The following TCF20 variants were observed in gnomAD, a reference collection of about 807,000 sequenced individuals.
TCF20 encodes the protein transcription factor 20.
Under a neutral mutation model 148.6 loss-of-function variants are expected in TCF20, and 3 were observed. The observed-to-expected ratio is 0.02, with a 90% CI of 0.01 to 0.05. The LOEUF is 0.05. Among genes scored for constraint, TCF20 ranks in the 10% least tolerant of loss-of-function variants. TCF20 has a pLI of 1.00. For synonymous variants in TCF20, 1,049 were observed against 909.5 expected (o/e 1.15, Z -2.76); for missense variants, 2,350 against 2,429.3 (o/e 0.97, Z 0.69).
chr22:42,169,069 A>T (rs886065393), intron 4 of TCF20, among the ~76,000 whole-genome samples: 5 of 151,438 alleles, frequency 3.3e-5, no homozygotes, highest in Non-Finnish European at 5.9e-5. Context: ...CTCTCTGGAC[A>T]ACCTCCTTCT....
chr22:42,322,553 C>G (rs933809624), intron 1 of TCF20, among the ~76,000 whole-genome samples: 7 of 151,862 alleles, frequency 4.6e-5, no homozygotes, highest in Non-Finnish European at 7.4e-5. Flanking sequence ...AGAGGAAGGA[C>G]GTTCGTTCAT....
At chr22:42,180,232 A>T (rs1936705071) in intron 2 of TCF20, among the ~76,000 whole-genome samples, 1 of 152,178 alleles carries the variant, frequency 6.6e-6, no homozygotes, top group African/African-American at 2.4e-5. Context: ...CTTACCCCAA[A>T]TGCCCAATAC....
chr22:42,213,394 G>A lies in TCF20; in HGVS notation c.1912C>T (p.Pro638Ser). The change falls in exon 2 of 6, where the codon CCA becomes TCA. Residue 638 changes from proline to serine, a missense_variant. This residue lies in a region of TCF20 where 1,641 missense variants were observed against 1,662.6 expected (regional missense o/e 0.99). Transcript: ENST00000677622. ...QEDDPAATQR[P>S]PSNGGAKETS... is the part of the protein sequence containing the mutation. ...TCCTTTGCCCCACCATTGCTAGGTG[G>A]CCTTTGAGTGGCTGCAGGATCATCC... is the stretch of plus-strand genomic sequence containing the variant. The A allele has an allele frequency of 6.2e-7, 1 of 1,614,156 alleles. No homozygotes were observed. Among genetic ancestry groups the A allele is most frequent in the Non-Finnish European group, 8.5e-7 (1 of 1,180,038 alleles).
intron 1 of TCF20, among the ~76,000 whole-genome samples, chr22:42,242,542 C>T (rs570695161): frequency 3.9e-5 from 6 of 152,132 alleles, no homozygotes; most frequent in East Asian, 3.9e-4. Flanking sequence ...ACTCTCAGCA[C>T]GTGAGGAGCT....
intron 3 of TCF20, among the ~76,000 whole-genome samples, chr22:42,172,084 A>G (rs1936165115): frequency 6.6e-6 from 1 of 152,248 alleles, no homozygotes; most frequent in Admixed American, 6.5e-5. Flanking sequence ...TCTGGAAATG[A>G]AGTCTCCTAC....
At chr22:42,267,569 T>C (rs1926354920) in intron 1 of TCF20, among the ~76,000 whole-genome samples, 1 of 151,772 alleles carries the variant, frequency 6.6e-6, no homozygotes, top group South Asian at 2.1e-4. Context: ...GGCGTGGTGG[T>C]GCGCACCTGT....
intron 1 of TCF20, among the ~76,000 whole-genome samples, chr22:42,323,186 G>A (rs1927766924): frequency 6.6e-6 from 1 of 151,712 alleles, no homozygotes. Flanking sequence ...ACAGGCGTGA[G>A]CCACCACGCC....
At chr22:42,183,897 T>C (rs1601541181) in intron 2 of TCF20, among the ~76,000 whole-genome samples, 1 of 151,676 alleles carries the variant, frequency 6.6e-6, no homozygotes, top group East Asian at 1.9e-4. Flanking sequence ...GCCTCCCGAG[T>C]AGATGGGATT....
chr22:42,331,506 C>T (rs1198663071), intron 1 of TCF20, among the ~76,000 whole-genome samples: 1 of 152,270 alleles, frequency 6.6e-6, no homozygotes, highest in Non-Finnish European at 1.5e-5. Flanking sequence ...ACCCCCATCA[C>T]CAGCCCTATT....
chr22:42,216,825 T>C (rs987842307), intron 1 of TCF20, among the ~76,000 whole-genome samples: 10 of 152,204 alleles, frequency 6.6e-5, no homozygotes, highest in African/African-American at 1.7e-4. Flanking sequence ...TTACCTATTA[T>C]AATCCCTCTT....
At chr22:42,324,100 ATGGTGGTGGTGGTGGTGGTGGTTATGG>A (rs1927816243) in intron 1 of TCF20, among the ~76,000 whole-genome samples, 1 of 8,704 alleles carries the variant, frequency 1.1e-4, no homozygotes, top group African/African-American at 2.7e-4. Flanking sequence ...GATGGAGGTT[ATGGTGGTGGTGGTGGTGGTGGTTATGG>A]TGGTGGTGGT....
rs780154887 is a variant in TCF20, at chr22:42,213,729, C to T, written c.1577G>A (p.Ser526Asn). Residue 526 changes from serine (S) to asparagine (N), a missense_variant, in exon 2 of 6, where the codon AGT becomes AAT. Physicochemically the swap from Ser to Asn is conservative, Grantham distance 46. This residue lies in a region of TCF20 where 1,641 missense variants were observed against 1,662.6 expected (regional missense o/e 0.99). Coordinates refer to ENST00000677622, the MANE Select transcript of TCF20 (RefSeq NM_001378418.1). ...AESLDGGCSS[S>N]SEDQGERVRQ... ...CACTCTCTCGCCTTGATCCTCTGAA[C>T]TGCTGGAGCAGCCTCCATCTAATGA... 5 of 1,614,016 alleles carry T rather than the reference C, an allele frequency of 3.1e-6. No homozygotes were observed. In the African/African-American group the frequency reaches 6.7e-5, roughly 22 times the overall value.
At chr22:42,221,148 A>G (rs1922320680) in intron 1 of TCF20, among the ~76,000 whole-genome samples, 1 of 152,232 alleles carries the variant, frequency 6.6e-6, no homozygotes, top group African/African-American at 2.4e-5. Flanking sequence ...AGAGAGATTT[A>G]GAAGGCAAAA....
intron 2 of TCF20, among the ~76,000 whole-genome samples, chr22:42,185,874 C>T (rs1231657141): frequency 1.3e-5 from 2 of 152,176 alleles, no homozygotes; most frequent in African/African-American, 4.8e-5. Flanking sequence ...CTGGCACCAG[C>T]CTCTGGGACC....
chr22:42,240,868 TTC>T (rs1491510545), intron 1 of TCF20, among the ~76,000 whole-genome samples: 2 of 152,108 alleles, frequency 1.3e-5, no homozygotes, highest in African/African-American at 2.4e-5. Context: ...TTTTTTTTTT[TTC>T]TGAGACAGAG....
chr22:42,199,437 G>A (rs1937831320), intron 2 of TCF20, among the ~76,000 whole-genome samples: 1 of 152,132 alleles, frequency 6.6e-6, no homozygotes, highest in Non-Finnish European at 1.5e-5. Flanking sequence ...CTGAAACTGA[G>A]GAAATAGGGT....
intron 2 of TCF20, among the ~76,000 whole-genome samples, chr22:42,198,964 C>T (rs914010276): frequency 1.3e-5 from 2 of 152,068 alleles, no homozygotes; most frequent in Admixed American, 6.5e-5. Flanking sequence ...TGCGCCCTGC[C>T]CCCTCCAAAT....
intron 1 of TCF20, among the ~76,000 whole-genome samples, chr22:42,333,982 C>T (rs1430241703): frequency 6.6e-6 from 1 of 152,224 alleles, no homozygotes; most frequent in Non-Finnish European, 1.5e-5. Context: ...TGGGAACAGG[C>T]TCACAAGGTT....
At chr22:42,330,702 T>C (rs1431174294) in intron 1 of TCF20, among the ~76,000 whole-genome samples, 1 of 152,166 alleles carries the variant, frequency 6.6e-6, no homozygotes, top group Admixed American at 6.5e-5. Context: ...TGGCAGGGCC[T>C]GCCTTGAGGG....
Sources: allele counts gnomAD v4.1 joint callset (sites outside exome capture counted in the v4.1 genomes callset), GRCh38; gene constraint gnomAD v4.1.1; regional missense constraint gnomAD v4.1.1; transcripts MANE v1.5; gene names NCBI Gene and HGNC (gene_info 2026-07-23, HGNC 2026-07-21).